The following SKAP2 variants were observed in gnomAD, a reference collection of about 807,000 sequenced individuals.
SKAP2 encodes src kinase associated phosphoprotein 2, also known as src kinase-associated phosphoprotein 2.
In SKAP2, 28 loss-of-function variants were observed where a neutral mutation model predicts 54.9. That is an observed-to-expected ratio of 0.51 (90% confidence interval 0.38 to 0.70). The LOEUF (loss-of-function observed/expected upper bound fraction) is 0.70, where lower values mean the gene tolerates loss of function less well. Ranked by LOEUF, SKAP2 falls within the 30% of genes least tolerant of loss-of-function variation. SKAP2 has a pLI of 0.00. For missense variants in SKAP2, 356 were observed against 424.1 expected, an observed-to-expected ratio of 0.84 and a Z score of 1.41; for synonymous variants, 137 against 134.3, an observed-to-expected ratio of 1.02 and a Z score of -0.14.
chr7:26,671,950 C>T (rs1786253575), intron 11 of SKAP2, among the ~76,000 whole-genome samples: 1 of 151,970 alleles, frequency 6.6e-6, no homozygotes, highest in African/African-American at 2.4e-5. Flanking sequence ...ACGTACTTAA[C>T]GTTCCACAGA....
intron 9 of SKAP2, among the ~76,000 whole-genome samples, chr7:26,705,714 T>C (rs543613191): frequency 5.6e-4 from 85 of 152,318 alleles, no homozygotes; most frequent in Non-Finnish European, 1.1e-3. Flanking sequence ...CTACTTGGCA[T>C]GTGTCCACAG....
At chr7:26,701,626 G>A (rs914029073) in intron 9 of SKAP2, among the ~76,000 whole-genome samples, 7 of 152,106 alleles carry the variant, frequency 4.6e-5, no homozygotes, top group African/African-American at 1.7e-4. Context: ...CCAGGAGGCT[G>A]AGGCAGGAGG....
intron 9 of SKAP2, among the ~76,000 whole-genome samples, chr7:26,713,391 C>T (rs982517220): frequency 2.0e-5 from 3 of 152,050 alleles, no homozygotes; most frequent in African/African-American, 7.3e-5. Context: ...CAGAATCTGA[C>T]ATGCAATGGG....
chr7:26,793,714 T>C (rs192541634), intron 4 of SKAP2, among the ~76,000 whole-genome samples: 81 of 152,306 alleles, frequency 5.3e-4, no homozygotes, highest in African/African-American at 1.7e-3. Context: ...TTTCCTCATC[T>C]GTAAAATAAT....
At chr7:26,851,255 C>CAAA (rs35007326) in intron 3 of SKAP2, among the ~76,000 whole-genome samples, 3 of 99,348 alleles carry the variant, frequency 3.0e-5, no homozygotes, top group African/African-American at 3.9e-5. Flanking sequence ...CCGTTTTTAC[C>CAAA]AAAAAAAAAA....
chr7:26,854,124 C>T lies in SKAP2; in HGVS notation c.199+13G>A, dbSNP rs745938150. 42 of 1,576,746 alleles carry T rather than the reference C, an allele frequency of 2.7e-5. No homozygotes were observed. Among genetic ancestry groups the T allele is most frequent in the Non-Finnish European group, 3.5e-5 (41 of 1,158,354 alleles). On this transcript the variant is annotated intron_variant, in intron 3 of 12. Transcript: ENST00000345317. ...GAAAAAAATTTTCAAGTTTGCCAAA[C>T]ATGAAAACTTACCTTTGTCTTGAAA...
intron 10 of SKAP2, among the ~76,000 whole-genome samples, chr7:26,686,611 T>TTTA (rs1786647371): frequency 6.6e-6 from 1 of 152,198 alleles, no homozygotes. Flanking sequence ...AAAAAATCAC[T>TTTA]TAATAATAAA....
intron 9 of SKAP2, among the ~76,000 whole-genome samples, chr7:26,699,156 T>C (rs772195173): frequency 1.1e-4 from 16 of 152,222 alleles, no homozygotes; most frequent in African/African-American, 3.9e-4. Context: ...AGATTCCACA[T>C]TGTACCAGCT....
chr7:26,722,784 A>T (rs1486525271), intron 9 of SKAP2, among the ~76,000 whole-genome samples: 2 of 152,174 alleles, frequency 1.3e-5, no homozygotes, highest in East Asian at 1.9e-4. Flanking sequence ...CATAGTTTTT[A>T]AAAAATACAC....
chr7:26,803,482 C>G (rs754050168), intron 4 of SKAP2, among the ~76,000 whole-genome samples: 2 of 152,048 alleles, frequency 1.3e-5, no homozygotes, highest in African/African-American at 4.8e-5. Flanking sequence ...TGCTGACGAG[C>G]ATGTGAATGA....
chr7:26,809,348 G>C (rs1784090653), intron 4 of SKAP2, among the ~76,000 whole-genome samples: 1 of 152,004 alleles, frequency 6.6e-6, no homozygotes, highest in Non-Finnish European at 1.5e-5. Context: ...GGGAGGCAGA[G>C]GTTGCAGTGA....
intron 12 of SKAP2, 120 bp downstream of exon 12, chr7:26,669,971 G>A (rs527667697): frequency 1.4e-4 from 58 of 415,680 alleles, no homozygotes; most frequent in African/African-American, 5.5e-4. Flanking sequence ...AAAAGATTTC[G>A]GGGCACAATC....
intron 4 of SKAP2, among the ~76,000 whole-genome samples, chr7:26,778,931 C>T (rs1432667357): frequency 2.6e-5 from 4 of 151,896 alleles, no homozygotes; most frequent in Non-Finnish European, 5.9e-5. Context: ...GACTATTTTT[C>T]AGACTATGTA....
chr7:26,791,835 T>C (rs952671562), intron 4 of SKAP2, among the ~76,000 whole-genome samples: 1 of 152,202 alleles, frequency 6.6e-6, no homozygotes, highest in Non-Finnish European at 1.5e-5. Context: ...TATCATAGGA[T>C]ACAGCAATTC....
intron 4 of SKAP2, chr7:26,746,747 T>C (rs538031129): frequency 1.3e-5 from 2 of 151,670 alleles, no homozygotes; most frequent in African/African-American, 4.9e-5. Context: ...TCATGAAATA[T>C]ATCCACACTA....
intron 4 of SKAP2, among the ~76,000 whole-genome samples, chr7:26,812,735 T>C (rs1784179347): frequency 6.6e-6 from 1 of 152,156 alleles, no homozygotes. Context: ...AAAATTATCA[T>C]CTATGGTCGT....
chr7:26,758,013 G>A (rs10277397), intron 4 of SKAP2, among the ~76,000 whole-genome samples: 5,646 of 152,184 alleles, frequency 0.037, 335 homozygotes, highest in African/African-American at 0.13. Context: ...CACCCACCTC[G>A]GCCTCCCAAA....
intron 10 of SKAP2, among the ~76,000 whole-genome samples, chr7:26,687,566 T>C (rs1271691142): frequency 1.3e-5 from 2 of 152,098 alleles, no homozygotes; most frequent in Non-Finnish European, 2.9e-5. Context: ...TATATGTTTA[T>C]TAGCCTTAGT....
At chr7:26,719,383 G>A (rs1787530415) in intron 9 of SKAP2, among the ~76,000 whole-genome samples, 1 of 152,026 alleles carries the variant, frequency 6.6e-6, no homozygotes. Flanking sequence ...CAAAGTCCAG[G>A]TCCAAAAAGA....
Sources: allele counts gnomAD v4.1 joint callset (sites outside exome capture counted in the v4.1 genomes callset), GRCh38; gene constraint gnomAD v4.1.1; transcripts MANE v1.5; gene names NCBI Gene and HGNC (gene_info 2026-07-23, HGNC 2026-07-21).